Variants in SUGCT observed in about 807,000 individuals in gnomAD.
The protein encoded by SUGCT is succinyl-CoA:glutarate-CoA transferase.
SUGCT carries 41 observed loss-of-function variants against 55.0 expected under a neutral mutation model. The observed-to-expected ratio is 0.74, with a 90% confidence interval of 0.58 to 0.97. The LOEUF is 0.97. Ranked by LOEUF, SUGCT falls within the 50% of genes least tolerant of loss-of-function variation. The pLI is 0.00. For synonymous variants in SUGCT, 187 were observed against 200.4 expected (o/e 0.93, Z 0.56); for missense variants, 568 against 547.8 (o/e 1.04, Z -0.37).
chr7:40,458,674 T>TG (rs1789618295), intron 10 of SUGCT, among the ~76,000 whole-genome samples: 1 of 152,222 alleles, frequency 6.6e-6, no homozygotes, highest in African/African-American at 2.4e-5. Flanking sequence ...AGGTACATGT[T>TG]GACTGTATAC....
At chr7:40,716,179 T>A (rs542861875) in intron 12 of SUGCT, among the ~76,000 whole-genome samples, 1 of 152,180 alleles carries the variant, frequency 6.6e-6, no homozygotes, top group Non-Finnish European at 1.5e-5. Flanking sequence ...GCCAGTAAAT[T>A]CCTGTGGAAT....
intron 13 of SUGCT, among the ~76,000 whole-genome samples, chr7:40,749,888 C>T (rs185547577): frequency 2.6e-5 from 4 of 152,206 alleles, no homozygotes; most frequent in Middle Eastern, 3.4e-3. Context: ...AACTGGAGTC[C>T]GAGGAAGGCT....
chr7:40,451,990 G>T (rs1255493810), intron 10 of SUGCT, among the ~76,000 whole-genome samples: 1 of 152,208 alleles, frequency 6.6e-6, no homozygotes, highest in Non-Finnish European at 1.5e-5. Flanking sequence ...GACAACTTTA[G>T]TTCCTGGTGA....
At chr7:40,581,259 G>A (rs1797074048) in intron 12 of SUGCT, among the ~76,000 whole-genome samples, 1 of 152,104 alleles carries the variant, frequency 6.6e-6, no homozygotes, top group Non-Finnish European at 1.5e-5. Context: ...TATAATTGCA[G>A]GTATGGTTAT....
At chr7:40,693,633 A>G (rs532776281) in intron 12 of SUGCT, among the ~76,000 whole-genome samples, 3 of 152,184 alleles carry the variant, frequency 2.0e-5, no homozygotes, top group Non-Finnish European at 4.4e-5. Flanking sequence ...TCACCTGGAC[A>G]TATTTGCTAA....
chr7:40,428,063 G>C, intron 9 of SUGCT, among the ~76,000 whole-genome samples: 1 of 152,064 alleles, frequency 6.6e-6, no homozygotes, highest in East Asian at 1.9e-4. Flanking sequence ...ATCAGTGCTT[G>C]TTTCATATAT....
the SUGCT span, among the ~76,000 whole-genome samples, chr7:40,946,332 G>T: frequency 2.0e-5 from 3 of 152,102 alleles, no homozygotes; most frequent in African/African-American, 7.2e-5. Context: ...AGGTCAGGTC[G>T]GGGCTGAGAC....
intron 7 of SUGCT, among the ~76,000 whole-genome samples, chr7:40,271,076 T>C (rs1316668440): frequency 6.6e-6 from 1 of 152,198 alleles, no homozygotes. Context: ...GATTACTAGT[T>C]CTAAGAGTTT....
chr7:40,406,013 A>G (rs1786349846), intron 9 of SUGCT, among the ~76,000 whole-genome samples: 1 of 152,170 alleles, frequency 6.6e-6, no homozygotes, highest in Non-Finnish European at 1.5e-5. Context: ...AATGGGAGAC[A>G]GGAGTTTTAT....
the SUGCT span, among the ~76,000 whole-genome samples, chr7:40,890,621 G>A: frequency 2.0e-5 from 3 of 152,080 alleles, no homozygotes; most frequent in African/African-American, 7.2e-5. Flanking sequence ...CCAACAGCAA[G>A]CCTGCCCACA....
chr7:40,760,443 G>T (rs1584398296), intron 13 of SUGCT, among the ~76,000 whole-genome samples: 1 of 152,076 alleles, frequency 6.6e-6, no homozygotes, highest in African/African-American at 2.4e-5. Flanking sequence ...TGGAGGGAGA[G>T]GGGTATGGCC....
chr7:40,349,794 T>C (rs887948108), intron 9 of SUGCT, among the ~76,000 whole-genome samples: 1 of 152,200 alleles, frequency 6.6e-6, no homozygotes, highest in African/African-American at 2.4e-5. Flanking sequence ...TACTTCAGCC[T>C]CCTGAGTAGC....
intron 13 of SUGCT, among the ~76,000 whole-genome samples, chr7:40,766,985 T>C (rs1788825436): frequency 6.6e-6 from 1 of 152,206 alleles, no homozygotes; most frequent in Non-Finnish European, 1.5e-5. Context: ...GGAGGCCTTA[T>C]ATTGATGATG....
At chr7:40,810,546 T>G (rs150573706) in intron 13 of SUGCT, among the ~76,000 whole-genome samples, 2 of 152,324 alleles carry the variant, frequency 1.3e-5, no homozygotes, top group African/African-American at 2.4e-5. Flanking sequence ...ATATGTTTGT[T>G]GGCCACTTGT....
chr7:40,556,844 C>T (rs771406739), intron 12 of SUGCT, among the ~76,000 whole-genome samples: 22 of 152,168 alleles, frequency 1.4e-4, no homozygotes, highest in African/African-American at 2.2e-4. Flanking sequence ...TTAAAAATTG[C>T]GTTGAATGAC....
intron 9 of SUGCT, among the ~76,000 whole-genome samples, chr7:40,433,721 G>C (rs1788029970): frequency 6.6e-6 from 1 of 152,292 alleles, no homozygotes; most frequent in South Asian, 2.1e-4. Context: ...GGGTGGAATA[G>C]AAATTAAACG....
At chr7:41,021,464 A>C in the SUGCT span, among the ~76,000 whole-genome samples, 2 of 152,340 alleles carry the variant, frequency 1.3e-5, no homozygotes, top group Admixed American at 6.5e-5. Flanking sequence ...ATGATGCTAG[A>C]ATCAGATAAT....
intron 1 of SUGCT, among the ~76,000 whole-genome samples, chr7:40,149,409 G>A (rs945201409): frequency 6.6e-6 from 1 of 152,170 alleles, no homozygotes; most frequent in Non-Finnish European, 1.5e-5. Context: ...AACAAAGACT[G>A]TAACAGCCCT....
the SUGCT span, among the ~76,000 whole-genome samples, chr7:40,973,318 C>G: frequency 2.0e-5 from 3 of 152,108 alleles, no homozygotes; most frequent in Non-Finnish European, 4.4e-5. Context: ...CTTTGAATTG[C>G]TTTTGTCAAA....
Sources: gnomAD v4.1 joint callset for allele counts (sites outside exome capture counted in the v4.1 genomes callset) on GRCh38, gnomAD v4.1.1 for gene constraint, MANE v1.5 for transcripts, NCBI Gene and HGNC (gene_info 2026-07-23, HGNC 2026-07-21) for gene names.